RGS3: variants seen among roughly 807,000 people sequenced by gnomAD.
The protein encoded by RGS3 is regulator of G-protein signalling 3.
A neutral mutation model predicts 132.6 loss-of-function variants in RGS3; 80 were observed. The ratio of observed to expected loss-of-function variants is 0.60; its 90% confidence interval spans 0.50 to 0.73. The LOEUF (loss-of-function observed/expected upper bound fraction) is 0.73. RGS3 is among the 30% of genes least tolerant of loss of function. RGS3 has a pLI of 0.00. For missense variants in RGS3, 1,382 were observed against 1,530.8 expected (o/e 0.90, Z 1.62); for synonymous variants, 598 against 620.6 (o/e 0.96, Z 0.54).
At chr9:113,557,188 G>A (rs1332789623) in intron 19 of RGS3, among the ~76,000 whole-genome samples, 1 of 152,228 alleles carries the variant, frequency 6.6e-6, no homozygotes, top group African/African-American at 2.4e-5. Flanking sequence ...TACTGGGTTA[G>A]GGAGGGTAGC....
At chr9:113,505,238 G>A (rs1381130680) in intron 10 of RGS3, 14 of 583,110 alleles carry the variant, frequency 2.4e-5, no homozygotes, top group South Asian at 8.4e-5. Context: ...TGAGCTTTGG[G>A]CCTTCCTGCT....
intron 10 of RGS3, among the ~76,000 whole-genome samples, chr9:113,504,359 C>T (rs1831039683): frequency 6.6e-6 from 1 of 152,206 alleles, no homozygotes; most frequent in Non-Finnish European, 1.5e-5. Context: ...TCTCTCGGGA[C>T]CCCTTGAATC....
chr9:113,445,086 A>G (rs565063336), intron 1 of RGS3, among the ~76,000 whole-genome samples: 23 of 152,226 alleles, frequency 1.5e-4, no homozygotes, highest in African/African-American at 4.8e-4. Flanking sequence ...TAAGAGGCTT[A>G]TATTTCCAAG....
At chr9:113,503,381 G>C (rs946904372) in intron 10 of RGS3, 2 of 152,486 alleles carry the variant, frequency 1.3e-5, no homozygotes, top group Admixed American at 1.3e-4. Flanking sequence ...ATGGTGGACA[G>C]AGTGTAATTC....
intron 19 of RGS3, among the ~76,000 whole-genome samples, chr9:113,564,483 G>A (rs752480639): frequency 2.6e-5 from 4 of 152,174 alleles, no homozygotes; most frequent in African/African-American, 7.2e-5. Context: ...TGAAGAAACC[G>A]AGGCTCAGAG....
chr9:113,553,335 TGGG>T (rs1314130435), intron 19 of RGS3, among the ~76,000 whole-genome samples: 1 of 147,572 alleles, frequency 6.8e-6, no homozygotes, highest in Non-Finnish European at 1.5e-5. Flanking sequence ...CCCAGCTACT[TGGG>T]AAGCTGAGGT....
chr9:113,497,132 C>T (rs1294832059), intron 8 of RGS3, among the ~76,000 whole-genome samples, 182 bp from the exon 7 acceptor site: 3 of 152,182 alleles, frequency 2.0e-5, no homozygotes, highest in African/African-American at 7.2e-5. Context: ...CCAGATCTGC[C>T]CTGAGCATCA....
intron 16 of RGS3, among the ~76,000 whole-genome samples, chr9:113,519,898 G>A (rs754565244): frequency 1.1e-4 from 17 of 152,158 alleles, no homozygotes; most frequent in Non-Finnish European, 2.5e-4. Flanking sequence ...TGTGCCCTGA[G>A]GTCTATGGCC....
At chr9:113,562,101 A>C (rs545112874) in intron 19 of RGS3, among the ~76,000 whole-genome samples, 1 of 152,312 alleles carries the variant, frequency 6.6e-6, no homozygotes, top group East Asian at 1.9e-4. Context: ...AGTGGGCTTC[A>C]TCTGTAGCCC....
rs546013184 is a variant in RGS3 at position 113,487,198 on chromosome 9, G to A, written c.689+1505G>A. 6.8e-3 allele frequency among the ~76,000 whole-genome samples: 985 copies of A among 144,212 alleles called. 11 individuals are homozygous for A. The highest frequency in any genetic ancestry group is 0.023 in the African/African-American group (912 of 38,908). The allele number at this position is 144,212 out of a possible 152,430, so 94.6% of individuals were successfully genotyped here. A position where few individuals can be genotyped will look rare whatever the true frequency, so the allele number is the denominator to read the frequency against. On this transcript the variant is annotated intron_variant, in intron 7 of 24. Coordinates refer to ENST00000350696, the Ensembl canonical transcript of RGS3. ...GCAATCTCGGCTCACTGCAAGCTCC[G>A]CTTCCCGGGTTCACGCCATTCTCCT...
In RGS3 at chr9:113,506,151, A is replaced by G. The variant is rs1398013595; in HGVS notation, c.980-237A>G. Among the ~76,000 whole-genome samples the G allele has an allele frequency of 6.6e-6, 1 of 152,030 alleles. No homozygotes were observed. The highest frequency in any genetic ancestry group is 1.5e-5 in the Non-Finnish European group (1 of 67,988). On this transcript the variant is annotated intron_variant, in intron 11 of 24. Transcript: ENST00000350696. The surrounding 1 kb of genome is among the most constrained non-coding windows in gnomAD (Gnocchi z 4.7). ...GTGGACTGCAGAGAGGTAAGCCAGC[A>G]GTAGGGGAGGTAAGCCAGCAGTAGG...
intron 19 of RGS3, among the ~76,000 whole-genome samples, chr9:113,573,225 C>T (rs1195499755): frequency 6.6e-6 from 1 of 152,180 alleles, no homozygotes. Context: ...ATCTCCAAGC[C>T]CCAGTTGTTC....
intron 7 of RGS3, among the ~76,000 whole-genome samples, chr9:113,488,226 G>A (rs1457630384): frequency 6.6e-6 from 1 of 152,188 alleles, no homozygotes; most frequent in Non-Finnish European, 1.5e-5. Flanking sequence ...GCGGCTGGTG[G>A]TGTCTCCACC....
chr9:113,568,928 G>A (rs563351776), intron 19 of RGS3, among the ~76,000 whole-genome samples: 1 of 152,356 alleles, frequency 6.6e-6, no homozygotes, highest in African/African-American at 2.4e-5. Flanking sequence ...AGCCTCTTGG[G>A]AGATCAGAGC....
intron 3 of RGS3, among the ~76,000 whole-genome samples, chr9:113,466,986 GA>G (rs1280982577): frequency 1.3e-5 from 2 of 150,934 alleles, no homozygotes; most frequent in Non-Finnish European, 3.0e-5. Flanking sequence ...TTTTTTTTAT[GA>G]CTGACTTCTT....
At chr9:113,462,625 G>A (rs557376484) in intron 3 of RGS3, among the ~76,000 whole-genome samples, 1 of 152,298 alleles carries the variant, frequency 6.6e-6, no homozygotes, top group South Asian at 2.1e-4. Context: ...TCTGCCTGAG[G>A]TTCAGATTTC....
chr9:113,445,201 G>GT (rs1829075684), intron 1 of RGS3, among the ~76,000 whole-genome samples: 1 of 141,290 alleles, frequency 7.1e-6, no homozygotes, highest in Non-Finnish European at 1.5e-5. Context: ...TTTTTTTTTT[G>GT]TTTTTTGTTT....
Position 113,463,818 on chromosome 9 carries a change from C to T in RGS3, c.415+1617C>T. The T allele has an allele frequency of 1.2e-6, 2 of 1,612,642 alleles. No individual in the cohort carries two copies. The highest frequency in any genetic ancestry group is 1.1e-5 in the South Asian group (1 of 90,974). Reference sequence around the variant, plus strand: ...GTGGGACGCCATGGAGCGCTCCCTGCACCGCGTCTCCCTCGGGAGCCGGCG... The same window carrying T: ...GTGGGACGCCATGGAGCGCTCCCTGTACCGCGTCTCCCTCGGGAGCCGGCG... On this transcript the variant is annotated intron_variant, in intron 3 of 24. Transcript: ENST00000350696. The surrounding 1 kb of genome is among the most constrained non-coding windows in gnomAD (Gnocchi z 4.6).
chr9:113,517,696 T>C, intron 16 of RGS3, 72 bp downstream of exon 14: 2 of 1,179,542 alleles, frequency 1.7e-6, no homozygotes, highest in Non-Finnish European at 2.5e-6. Flanking sequence ...GGCCCCTCAC[T>C]TTGGTCTCTT....
Sources: gnomAD v4.1 joint callset for allele counts (sites outside exome capture counted in the v4.1 genomes callset) on GRCh38, gnomAD v4.1.1 for gene constraint, Gnocchi (gnomAD v3.1) non-coding constraint, MANE v1.5 for transcripts, NCBI Gene and HGNC (gene_info 2026-07-23, HGNC 2026-07-21) for gene names.